The following SLC7A9 variants were observed in gnomAD, a reference collection of about 807,000 sequenced individuals.
SLC7A9 encodes the protein B(0,+)-type amino acid transporter 1.
A neutral mutation model predicts 54.1 loss-of-function variants in SLC7A9; 38 were observed. The observed-to-expected ratio is 0.70, with a 90% CI of 0.54 to 0.92. The LOEUF (loss-of-function observed/expected upper bound fraction) is 0.92, where lower values mean the gene tolerates loss of function less well. SLC7A9 is among the 40% of genes least tolerant of loss of function. SLC7A9 has a pLI of 0.00. For synonymous variants in SLC7A9, 264 were observed against 258.9 expected (o/e 1.02, Z -0.19); for missense variants, 537 against 636.1 (o/e 0.84, Z 1.68).
chr19:32,855,402 G>A (rs1339947713), intron 9 of SLC7A9, among the ~76,000 whole-genome samples: 1 of 151,974 alleles, frequency 6.6e-6, no homozygotes, highest in Non-Finnish European at 1.5e-5. Flanking sequence ...CAGTCCCTCA[G>A]CTAATAGAAA....
chr19:32,838,947 TTTC>T (rs950746210), intron 11 of SLC7A9, among the ~76,000 whole-genome samples: 33 of 151,980 alleles, frequency 2.2e-4, no homozygotes, highest in South Asian at 1.7e-3. Flanking sequence ...ATACCCTTAG[TTTC>T]TTCTTTTTTT....
At chr19:32,869,076 G>A (rs1969064205) in intron 1 of SLC7A9, among the ~76,000 whole-genome samples, 1 of 146,290 alleles carries the variant, frequency 6.8e-6, no homozygotes, top group Non-Finnish European at 1.5e-5. Flanking sequence ...AAAAAAATTA[G>A]CTGGGTGTGG....
At position 32,862,189 on chromosome 19, in the gene SLC7A9, G is replaced by A. The variant is rs372980958; in HGVS notation, c.633C>T (p.Phe211=). 5.6e-6 allele frequency: 9 copies of A among 1,613,796 alleles called. No homozygotes were observed. The highest frequency in any genetic ancestry group is 2.2e-5 in the East Asian group (1 of 44,866). The part of the protein sequence containing the change: ...QGNTKNFDNS[F]EGAQLSVGAI... ...CTCCCACAGACAGCTGGGCGCCCTC[G>A]AAAGAATTATCAAAATTCTTTGTGT... The change falls in exon 6 of 13, where the codon TTC becomes TTT. Residue 211 remains phenylalanine (F), a synonymous_variant. Coordinates refer to ENST00000023064, the MANE Select transcript of SLC7A9 (RefSeq NM_014270.5).
intron 12 of SLC7A9, chr19:32,832,691 C>T (rs896745572): frequency 5.5e-6 from 1 of 181,254 alleles, no homozygotes; most frequent in Non-Finnish European, 1.2e-5. Context: ...GTGGAAGGGT[C>T]ATTTGAGCCC....
intron 9 of SLC7A9, among the ~76,000 whole-genome samples, chr19:32,850,800 A>T (rs1968444960): frequency 6.6e-6 from 1 of 152,210 alleles, no homozygotes; most frequent in East Asian, 1.9e-4. Context: ...TAACCAAAAC[A>T]GCATGGTACT....
At chr19:32,869,459 A>T (rs1034411456) in intron 1 of SLC7A9, among the ~76,000 whole-genome samples, 6 of 152,056 alleles carry the variant, frequency 3.9e-5, no homozygotes, top group African/African-American at 1.4e-4. Context: ...CAGTCCTTCC[A>T]CCTCGGCCTC....
Position 32,833,431 on chromosome 19 carries a change from A to C in SLC7A9, c.1225-108T>G, listed in dbSNP as rs917301117. The stretch of plus-strand genomic sequence containing the variant: ...ATGAACTCCATGTACCCCCTCCTCC[A>C]ATTTCAATCATTTTAATGTAATTTT... On this transcript the variant is annotated intron_variant, in intron 11 of 12. Transcript: ENST00000023064. 4 of 930,154 alleles carry C rather than the reference A, an allele frequency of 4.3e-6. No homozygotes were observed. In the Admixed American group the frequency reaches 8.3e-5, roughly 19 times the overall value. The allele number at this position is 930,154 out of a possible 1,614,324, so 57.6% of individuals were successfully genotyped here. A position where few individuals can be genotyped will look rare whatever the true frequency, so the allele number is the denominator to read the frequency against.
intron 10 of SLC7A9, among the ~76,000 whole-genome samples, chr19:32,843,552 G>A (rs1337154413): frequency 6.6e-6 from 1 of 152,136 alleles, no homozygotes; most frequent in Non-Finnish European, 1.5e-5. Context: ...GTAACTACCT[G>A]GGAAAATGTC....
intron 6 of SLC7A9, among the ~76,000 whole-genome samples, 171 bp from the exon 7 acceptor site, chr19:32,860,821 G>C (rs936703669): frequency 4.6e-4 from 70 of 152,194 alleles, no homozygotes; most frequent in African/African-American, 1.7e-3. Context: ...TAGTGGTGGG[G>C]CCTGGGGCCC....
chr19:32,836,779 A>G (rs893719434), intron 11 of SLC7A9, among the ~76,000 whole-genome samples: 1 of 152,064 alleles, frequency 6.6e-6, no homozygotes, highest in Non-Finnish European at 1.5e-5. Context: ...GATGGTTGCT[A>G]TATGGTTTGG....
intron 9 of SLC7A9, among the ~76,000 whole-genome samples, chr19:32,846,229 C>A (rs1442599303): frequency 1.1e-4 from 16 of 152,230 alleles, no homozygotes; most frequent in African/African-American, 3.9e-4. Flanking sequence ...CATTGCCTCA[C>A]TCGGGAAGCA....
At chr19:32,835,911 ATGTGTGTGTGTG>A (rs60204379) in intron 11 of SLC7A9, among the ~76,000 whole-genome samples, 2 of 142,734 alleles carry the variant, frequency 1.4e-5, no homozygotes, top group Non-Finnish European at 3.1e-5. Context: ...GTGTGTGTGT[ATGTGTGTGTGTG>A]TGTGTGTGTG....
rs1409496497 is a variant in SLC7A9 at position 32,865,783 on chromosome 19, C to T, written c.88-1007G>A. Among the ~76,000 whole-genome samples, 6 of 152,174 alleles carry T rather than the reference C, an allele frequency of 3.9e-5. No individual in the cohort carries two copies. In the East Asian group the frequency reaches 1.2e-3, roughly 29 times the overall value. ...GTTGGGAGTGGGAGACCAGCCTGGC[C>T]AGCATGGAGAAACCCCGTTTCTACT... On this transcript the variant is annotated intron_variant, in intron 2 of 12. Coordinates refer to ENST00000023064, the MANE Select transcript of SLC7A9 (RefSeq NM_014270.5).
intron 9 of SLC7A9, among the ~76,000 whole-genome samples, chr19:32,849,585 C>T (rs199580109): frequency 2.6e-5 from 4 of 151,424 alleles, no homozygotes; most frequent in Admixed American, 6.6e-5. Context: ...GATTCACAGC[C>T]GAATTCTACC....
At chr19:32,865,972 A>C (rs1968958121) in intron 2 of SLC7A9, among the ~76,000 whole-genome samples, 1 of 151,958 alleles carries the variant, frequency 6.6e-6, no homozygotes. Flanking sequence ...AAAAAAAAAA[A>C]AAACCTGCAC....
rs369923725 is a variant in SLC7A9, at chr19:32,858,557, C to T, written c.874-14G>A. 4.7e-5 allele frequency: 75 copies of T among 1,592,728 alleles called. No homozygotes were observed. In the African/African-American group the frequency reaches 6.8e-4, roughly 15 times the overall value. ...GTCACCAAATGTCTGGTGAGAGAAG[C>T]GAGATGAGTCCTGAGGGTCTTTCTT... is the stretch of plus-strand genomic sequence containing the variant. On this transcript the variant is annotated splice_polypyrimidine_tract_variant and intron_variant, in intron 8 of 12. Coordinates refer to ENST00000023064, the MANE Select transcript of SLC7A9 (RefSeq NM_014270.5).
chr19:32,837,492 CAAAAAA>C lies in SLC7A9; in HGVS notation c.1225-4175_1225-4170del, dbSNP rs57648590. Among the ~76,000 whole-genome samples the C allele has an allele frequency of 8.5e-3, 461 of 54,504 alleles. 5 individuals are homozygous for C. Among genetic ancestry groups the C allele is most frequent in the African/African-American group, 0.024 (413 of 17,156 alleles). The allele number at this position is 54,504 out of a possible 152,430, so 35.8% of individuals were successfully genotyped here. ...CTGGGTGACAGAGGAGATTCCATCT[CAAAAAA>C]AAAAAAAAAAAAAAAAAAAAGAAAC... is the stretch of plus-strand genomic sequence containing the variant. On this transcript the variant is annotated intron_variant, in intron 11 of 12. Transcript: ENST00000023064.
At chr19:32,862,922 C>G (rs899335256) in intron 4 of SLC7A9, 2 of 168,832 alleles carry the variant, frequency 1.2e-5, no homozygotes, top group African/African-American at 4.8e-5. Context: ...GAAGACCAGC[C>G]CTCCTCTATC....
chr19:32,848,268 C>T (rs1313399848), intron 9 of SLC7A9, among the ~76,000 whole-genome samples: 2 of 152,202 alleles, frequency 1.3e-5, no homozygotes, highest in East Asian at 3.9e-4. Context: ...CAAGACCCAT[C>T]AGTGTGCTGT....
Sources: gnomAD v4.1 joint callset for allele counts (sites outside exome capture counted in the v4.1 genomes callset) on GRCh38, gnomAD v4.1.1 for gene constraint, MANE v1.5 for transcripts, NCBI Gene and HGNC (gene_info 2026-07-23, HGNC 2026-07-21) for gene names.